The following MYH15 variants were observed in gnomAD, a reference collection of about 807,000 sequenced individuals.
The protein encoded by MYH15 is myosin-15.
A neutral mutation model predicts 240.5 loss-of-function variants in MYH15; 227 were observed. The observed-to-expected ratio is 0.94, with a 90% CI of 0.85 to 1.05. MYH15 has a LOEUF of 1.05. Among genes scored for constraint, MYH15 ranks in the 50% least tolerant of loss-of-function variants. The pLI is 0.00. For synonymous variants in MYH15, 785 were observed against 796.7 expected (o/e 0.99, Z 0.25); for missense variants, 2,217 against 2,247.5 (o/e 0.99, Z 0.27).
At chr3:108,428,971 T>G in intron 26 of MYH15, 90 bp from the exon 27 acceptor site, 2 of 1,336,594 alleles carry the variant, frequency 1.5e-6, no homozygotes, top group Admixed American at 4.9e-5. Context: ...AACATGAAAC[T>G]TTTGGTTCCC....
chr3:108,500,180 C>T lies in MYH15; in HGVS notation c.434G>A (p.Arg145Gln), dbSNP rs767751424. 2.2e-5 allele frequency: 36 copies of T among 1,614,008 alleles called. No individual in the cohort carries two copies. The highest frequency in any genetic ancestry group is 1.3e-4 in the African/African-American group (10 of 75,008). Reference protein sequence around the residue: ...EVMAAYKGKRRSEAPPHIFAV... With the variant: ...EVMAAYKGKRQSEAPPHIFAV... ...AAAGATGTGAGGGGGAGCCTCTGAT[C>T]GCCTCTTCCCTTTGTAGGCGGCCAT... The change falls in exon 4 of 41, where the codon CGA (arginine) becomes CAA (glutamine). Residue 145 changes from arginine to glutamine, a missense_variant. By Grantham distance (43) the Arg-to-Gln change is conservative. Transcript: ENST00000693548.
intron 12 of MYH15, among the ~76,000 whole-genome samples, chr3:108,471,460 C>A (rs2083176486): frequency 6.6e-6 from 1 of 152,174 alleles, no homozygotes; most frequent in Non-Finnish European, 1.5e-5. Context: ...GATCCTCTGA[C>A]CCCTTGCCTC....
At chr3:108,521,998 A>C (rs1225118937) in intron 1 of MYH15, among the ~76,000 whole-genome samples, 1 of 152,190 alleles carries the variant, frequency 6.6e-6, no homozygotes, top group Non-Finnish European at 1.5e-5. Context: ...CTGAGGATTC[A>C]AGATGTTCAG....
chr3:108,407,538 A>G (rs1330606888), intron 32 of MYH15, among the ~76,000 whole-genome samples: 4 of 152,180 alleles, frequency 2.6e-5, no homozygotes, highest in Non-Finnish European at 5.9e-5. Flanking sequence ...GGTCCTTTCA[A>G]TTGCTAATGC....
intron 7 of MYH15, among the ~76,000 whole-genome samples, chr3:108,494,870 A>C (rs935705208): frequency 2.0e-5 from 3 of 151,824 alleles, no homozygotes; most frequent in African/African-American, 4.8e-5. Flanking sequence ...CTTTTTTAAA[A>C]TGTTCTTTTT....
At chr3:108,430,688 C>G in intron 26 of MYH15, 144 bp downstream of exon 26, 1 of 527,934 alleles carries the variant, frequency 1.9e-6, no homozygotes, top group Non-Finnish European at 3.3e-6. Context: ...GCCACAGTTT[C>G]CCTTCTTAAC....
At chr3:108,462,064 G>A (rs1191077079) in intron 16 of MYH15, among the ~76,000 whole-genome samples, 1 of 152,088 alleles carries the variant, frequency 6.6e-6, no homozygotes, top group African/African-American at 2.4e-5. Context: ...AAACTCAAAT[G>A]TGCATGTGAA....
the MYH15 span, chr3:108,550,640 A>G: frequency 2.6e-5 from 4 of 151,758 alleles, no homozygotes; most frequent in Admixed American, 2.6e-4. Flanking sequence ...TTTTAAATTC[A>G]CTAATATTTT....
chr3:108,389,212 G>T (rs1246095454), intron 37 of MYH15, 138 bp from the exon 38 acceptor site: 2 of 628,118 alleles, frequency 3.2e-6, no homozygotes, highest in African/African-American at 3.8e-5. Context: ...AAACAGGACA[G>T]TGTCTCTGGG....
At position 108,461,555 on chromosome 3, in the gene MYH15, A is replaced by G. The variant is rs914101730; in HGVS notation, c.1865-1188T>C. Among the ~76,000 whole-genome samples the G allele has an allele frequency of 7.9e-5, 12 of 152,338 alleles. No homozygotes were observed. The South Asian group carries it at 2.5e-3, about 32-fold the overall frequency. ...AACACAGTACACAACCTGAAGAGTT[A>G]GAAGACGATTTCTCCTCTAATTCTC... On this transcript the variant is annotated intron_variant, in intron 16 of 40. Coordinates refer to ENST00000693548, the MANE Select transcript of MYH15 (RefSeq NM_014981.3).
At chr3:108,384,568 G>A in intron 39 of MYH15, 119 bp downstream of exon 39, 2 of 834,920 alleles carry the variant, frequency 2.4e-6, no homozygotes, top group Non-Finnish European at 3.7e-6. Context: ...AGGATGAGCA[G>A]ACTCTAAGCT....
chr3:108,500,339 TC>T (rs1195368835), intron 3 of MYH15, 65 bp from the exon 4 acceptor site: 1 of 1,513,594 alleles, frequency 6.6e-7, no homozygotes, highest in Non-Finnish European at 9.0e-7. Flanking sequence ...TGTCAGCTCT[TC>T]CAGTGTCAAG....
At chr3:108,410,479 A>C in intron 31 of MYH15, 104 bp downstream of exon 31, 2 of 749,930 alleles carry the variant, frequency 2.7e-6, no homozygotes, top group Non-Finnish European at 4.1e-6. Flanking sequence ...TGAAAAGTTA[A>C]AACATGTTGG....
At position 108,421,111 on chromosome 3, in the gene MYH15, T is replaced by C; in HGVS notation, c.3806A>G (p.Lys1269Arg). ...ACCACTCTCACTCCACAGCTTTGTC[T>C]TTTGTGCTGCCAGGTCATTTGCCAA... ...TQLANDLAAQKTKLWSESGEF... is the reference protein window; with the variant it reads ...TQLANDLAAQRTKLWSESGEF... The change falls in exon 28 of 41, where the codon AAG becomes AGG. Residue 1269 changes from lysine (K) to arginine (R), a missense_variant. Physicochemically the swap from Lys to Arg is conservative, Grantham distance 26 (BLOSUM62 2). Coordinates refer to ENST00000693548, the MANE Select transcript of MYH15 (RefSeq NM_014981.3). The C allele has an allele frequency of 6.2e-7, 1 of 1,614,134 alleles. No homozygotes were observed. The highest frequency in any genetic ancestry group is 1.3e-5 in the African/African-American group (1 of 75,062).
intron 25 of MYH15, among the ~76,000 whole-genome samples, chr3:108,437,111 T>C (rs911323511): frequency 6.6e-6 from 1 of 152,064 alleles, no homozygotes; most frequent in Admixed American, 6.6e-5. Context: ...AATTCCTATA[T>C]AAATATTAAG....
chr3:108,423,220 A>C (rs1340979078), intron 27 of MYH15, among the ~76,000 whole-genome samples: 1 of 152,068 alleles, frequency 6.6e-6, no homozygotes, highest in Non-Finnish European at 1.5e-5. Context: ...CCGAGGCTCC[A>C]CTCCAGTGGG....
chr3:108,486,561 A>G (rs1416466512), intron 9 of MYH15, 35 bp from the exon 10 acceptor site: 2 of 1,426,606 alleles, frequency 1.4e-6, no homozygotes, highest in Non-Finnish European at 2.0e-6. Flanking sequence ...AACAGCTTAA[A>G]GAAATCTGCA....
At chr3:108,456,720 A>G (rs759705101) in intron 19 of MYH15, 46 bp downstream of exon 19, 1 of 1,382,380 alleles carries the variant, frequency 7.2e-7, no homozygotes, top group South Asian at 1.2e-5. Flanking sequence ...GGAGGAAAAC[A>G]GAATGAACTG....
chr3:108,405,853 CTATTAAAT>C (rs1347822740), intron 32 of MYH15, among the ~76,000 whole-genome samples: 1 of 152,134 alleles, frequency 6.6e-6, no homozygotes, highest in African/African-American at 2.4e-5. Flanking sequence ...CTGGAATCTT[CTATTAAAT>C]TCTGGACATC....
Sources: allele counts gnomAD v4.1 joint callset (sites outside exome capture counted in the v4.1 genomes callset), GRCh38; gene constraint gnomAD v4.1.1; transcripts MANE v1.5; gene names NCBI Gene and HGNC (gene_info 2026-07-23, HGNC 2026-07-21).